The following TRIQK variants were observed in gnomAD, a reference collection of about 807,000 sequenced individuals.
The protein encoded by TRIQK is triple QxxK/R motif-containing protein.
Under a neutral mutation model 10.8 loss-of-function variants are expected in TRIQK, and 10 were observed. That is an observed-to-expected ratio of 0.92 (90% CI 0.57 to 1.57). The LOEUF (loss-of-function observed/expected upper bound fraction) is 1.57, where lower values mean the gene tolerates loss of function less well. TRIQK is among the 40% of genes most tolerant of loss of function. TRIQK has a pLI of 0.00. For synonymous variants in TRIQK, 33 were observed against 33.7 expected (o/e 0.98, Z 0.07); for missense variants, 107 against 97.7 (o/e 1.09, Z -0.40).
rs114831350 is a variant in TRIQK at position 92,936,097 on chromosome 8, G to A, written c.-22+18309C>T. On this transcript the variant is annotated intron_variant, in intron 2 of 4. Coordinates refer to ENST00000521988, the MANE Select transcript of TRIQK (RefSeq NM_001171797.2). The stretch of plus-strand genomic sequence containing the variant: ...TAAACTATTTTGAAGCCTAAAAATT[G>A]GCACACTTCTCAACTCATTTCATAA... Among the ~76,000 whole-genome samples, 547 of 151,574 alleles carry A rather than the reference G, an allele frequency of 3.6e-3. 5 individuals carry two copies. The highest frequency in any genetic ancestry group is 0.012 in the African/African-American group (512 of 41,474).
intron 3 of TRIQK, 70 bp downstream of exon 3, chr8:92,916,859 T>C (rs1809880283): frequency 8.8e-7 from 1 of 1,141,054 alleles, no homozygotes; most frequent in Non-Finnish European, 1.2e-6. Flanking sequence ...GAAAATTTAT[T>C]TTCTTAATAT....
chr8:92,902,447 AGGTGAAGTACGGGAAAGG>A (rs1464661764), intron 3 of TRIQK, among the ~76,000 whole-genome samples: 3 of 152,148 alleles, frequency 2.0e-5, no homozygotes, highest in African/African-American at 7.2e-5. Context: ...ACATGGCCAA[AGGTGAAGTACGGGAAAGG>A]GGTGGTATAG....
intron 1 of TRIQK, among the ~76,000 whole-genome samples, chr8:92,993,214 T>G (rs182891410): frequency 6.6e-6 from 1 of 152,298 alleles, no homozygotes; most frequent in African/African-American, 2.4e-5. Context: ...ACATTTTTCT[T>G]TTTAATCTAC....
At chr8:92,984,749 T>C (rs1284600250) in intron 1 of TRIQK, among the ~76,000 whole-genome samples, 1 of 152,160 alleles carries the variant, frequency 6.6e-6, no homozygotes, top group East Asian at 1.9e-4. Context: ...AAGTCCAGGT[T>C]ATTATTTTAG....
chr8:92,952,722 T>C (rs537871272), intron 2 of TRIQK, among the ~76,000 whole-genome samples: 124 of 152,130 alleles, frequency 8.2e-4, no homozygotes, highest in African/African-American at 2.9e-3. Flanking sequence ...AGTACAAAGG[T>C]ATGACAGTCA....
chr8:92,924,804 A>C (rs1419845000), intron 2 of TRIQK, among the ~76,000 whole-genome samples: 1 of 152,016 alleles, frequency 6.6e-6, no homozygotes, highest in Non-Finnish European at 1.5e-5. Context: ...TAGTATTATC[A>C]TATTGTCATT....
At chr8:92,981,713 G>A (rs1392962583) in intron 1 of TRIQK, among the ~76,000 whole-genome samples, 1 of 151,542 alleles carries the variant, frequency 6.6e-6, no homozygotes, top group African/African-American at 2.4e-5. Flanking sequence ...TGGCTTATTT[G>A]TTTTCATTTT....
intron 3 of TRIQK, among the ~76,000 whole-genome samples, chr8:92,899,947 A>G (rs1808831752): frequency 1.3e-5 from 2 of 151,834 alleles, no homozygotes; most frequent in African/African-American, 4.8e-5. Context: ...GCCATTTTTA[A>G]CTGAGGTGAG....
intron 3 of TRIQK, among the ~76,000 whole-genome samples, chr8:92,913,322 A>G (rs1809663189): frequency 1.3e-5 from 2 of 152,126 alleles, no homozygotes; most frequent in South Asian, 4.1e-4. Context: ...ATGAACAGAC[A>G]CTTCTCAAAA....
intron 2 of TRIQK, among the ~76,000 whole-genome samples, chr8:92,950,669 G>A (rs924409435): frequency 1.3e-5 from 2 of 152,072 alleles, no homozygotes; most frequent in Non-Finnish European, 2.9e-5. Context: ...TCTGCCATAA[G>A]AGCCTCAAAC....
chr8:92,949,938 T>C (rs1447455692), intron 2 of TRIQK, among the ~76,000 whole-genome samples: 1 of 151,920 alleles, frequency 6.6e-6, no homozygotes, highest in African/African-American at 2.4e-5. Context: ...CTCACATTCG[T>C]TTTTGAGCTC....
upstream of TRIQK, among the ~76,000 whole-genome samples, chr8:92,967,533 T>A (rs942446487): frequency 1.3e-5 from 2 of 152,108 alleles, no homozygotes; most frequent in African/African-American, 2.4e-5. Context: ...TTAAAAATAT[T>A]TGGTTTGGCC....
intron 1 of TRIQK, among the ~76,000 whole-genome samples, chr8:92,972,204 C>T (rs946073619): frequency 1.3e-5 from 2 of 151,766 alleles, no homozygotes; most frequent in Non-Finnish European, 2.9e-5. Flanking sequence ...GCATTTTTTC[C>T]AGTCTGACAA....
chr8:92,985,962 A>G (rs1254312078), intron 1 of TRIQK, among the ~76,000 whole-genome samples: 1 of 152,178 alleles, frequency 6.6e-6, no homozygotes, highest in Non-Finnish European at 1.5e-5. Context: ...GACTAATTAA[A>G]GTTGTTAAGG....
chr8:92,913,239 T>C (rs1246362488), intron 3 of TRIQK, among the ~76,000 whole-genome samples: 1 of 151,938 alleles, frequency 6.6e-6, no homozygotes, highest in Non-Finnish European at 1.5e-5. Context: ...AGAAGAAGCA[T>C]TTAACACAAA....
intron 2 of TRIQK, among the ~76,000 whole-genome samples, chr8:92,938,642 C>A (rs1161660972): frequency 3.3e-5 from 5 of 152,234 alleles, no homozygotes; most frequent in Admixed American, 3.3e-4. Context: ...ATATATGAGA[C>A]CATGTATTGT....
chr8:93,008,836 T>C (rs1813299628), intron 1 of TRIQK, among the ~76,000 whole-genome samples: 1 of 152,122 alleles, frequency 6.6e-6, no homozygotes, highest in Non-Finnish European at 1.5e-5. Flanking sequence ...CAACTCCAAA[T>C]GGATTAAAGA....
intron 1 of TRIQK, among the ~76,000 whole-genome samples, chr8:92,987,778 G>C (rs1340568656): frequency 2.0e-5 from 3 of 151,876 alleles, no homozygotes; most frequent in Non-Finnish European, 2.9e-5. Flanking sequence ...TTAAAATCTT[G>C]TTTTTGAAGA....
upstream of TRIQK, among the ~76,000 whole-genome samples, chr8:92,970,700 C>A (rs1466395337): frequency 2.0e-5 from 3 of 152,074 alleles, no homozygotes; most frequent in Non-Finnish European, 4.4e-5. Context: ...AGATATTAGA[C>A]CTTTGTCAGA....
Sources: gnomAD v4.1 joint callset for allele counts (sites outside exome capture counted in the v4.1 genomes callset) on GRCh38, gnomAD v4.1.1 for gene constraint, MANE v1.5 for transcripts, NCBI Gene and HGNC (gene_info 2026-07-23, HGNC 2026-07-21) for gene names.